RASEF: variants seen among roughly 807,000 people sequenced by gnomAD.
RASEF encodes RAS and EF-hand domain containing.
In RASEF, 68 loss-of-function variants were observed where a neutral mutation model predicts 90.1. The ratio of observed to expected loss-of-function variants is 0.75; its 90% CI spans 0.62 to 0.92. RASEF has a LOEUF of 0.92. Among genes scored for constraint, RASEF ranks in the 40% least tolerant of loss-of-function variants. RASEF has a pLI of 0.00. For missense variants in RASEF, 949 were observed against 937.2 expected (o/e 1.01, Z -0.16); for synonymous variants, 331 against 345.2 (o/e 0.96, Z 0.46).
chr9:83,128,025 C>CT, the RASEF span, among the ~76,000 whole-genome samples: 63,578 of 134,654 alleles, frequency 0.47, 14,352 homozygotes, highest in East Asian at 0.69. Context: ...TTTTTCTTTT[C>CT]TTTTTTTTTT....
the RASEF span, among the ~76,000 whole-genome samples, chr9:83,117,097 G>T: frequency 1.3e-5 from 2 of 151,330 alleles, no homozygotes; most frequent in Non-Finnish European, 3.0e-5. Context: ...ACTAATTCTT[G>T]AGAATAAACC....
rs1173283527 is a variant in RASEF at position 83,015,864 on chromosome 9, T to A, written c.706A>T (p.Arg236Ter). ...CCTACTTCAGTTTCATACTGACGTC[T>A]GAGGTCACTGAGGGCTTCCTCAGCT... The part of the protein sequence containing the change: ...RKAEEALSDL[R>*]RQYETEVGDL... The change falls in exon 4 of 17, where the codon AGA (arginine) becomes TGA (stop). Residue 236 changes from arginine to a stop codon, truncating the protein, a stop_gained. Transcript: ENST00000376447. LOFTEE classifies it high-confidence loss of function. The A allele has an allele frequency of 6.8e-6, 11 of 1,613,990 alleles. No individual in the cohort carries two copies. Among genetic ancestry groups the A allele is most frequent in the Non-Finnish European group, 8.5e-6 (10 of 1,179,910 alleles).
At chr9:83,197,831 C>A in the RASEF span, among the ~76,000 whole-genome samples, 5 of 152,176 alleles carry the variant, frequency 3.3e-5, no homozygotes, top group South Asian at 4.1e-4. Flanking sequence ...GGCCACCTAC[C>A]AACAGCATAA....
chr9:83,048,722 T>TAA (rs1156815886), intron 1 of RASEF: 11 of 985,124 alleles, frequency 1.1e-5, no homozygotes, highest in African/African-American at 1.7e-5. Flanking sequence ...ACAGAGGAGA[T>TAA]AAATACACAT....
the RASEF span, among the ~76,000 whole-genome samples, chr9:83,205,647 C>A: frequency 6.6e-6 from 1 of 152,118 alleles, no homozygotes; most frequent in African/African-American, 2.4e-5. Context: ...AGAACTTCAT[C>A]CTCTGGAGTA....
chr9:83,206,856 T>C, the RASEF span, among the ~76,000 whole-genome samples: 1 of 152,126 alleles, frequency 6.6e-6, no homozygotes, highest in African/African-American at 2.4e-5. Context: ...AGCTGCCTCT[T>C]TGGCCCAGCC....
At chr9:83,112,865 G>A in the RASEF span, among the ~76,000 whole-genome samples, 3 of 151,996 alleles carry the variant, frequency 2.0e-5, no homozygotes, top group African/African-American at 7.3e-5. Context: ...ATAGAGAAAA[G>A]ACAATGGAGA....
At chr9:83,092,003 C>CTTTTTTTTTTTTTTTTTTTATTTTTTTT in the RASEF span, among the ~76,000 whole-genome samples, 1 of 35,920 alleles carries the variant, frequency 2.8e-5, no homozygotes, top group Admixed American at 4.4e-4. Flanking sequence ...TCTTTTATTT[C>CTTTTTTTTTTTTTTTTTTTATTTTTTTT]TTTTTTTTTT....
chr9:83,016,422 T>C (rs1258407843), intron 3 of RASEF, among the ~76,000 whole-genome samples: 2 of 152,054 alleles, frequency 1.3e-5, no homozygotes, highest in African/African-American at 4.8e-5. Flanking sequence ...GAGCAGAGAA[T>C]GGCAGTAAGG....
the RASEF span, among the ~76,000 whole-genome samples, chr9:83,183,085 G>A: frequency 6.6e-6 from 1 of 152,082 alleles, no homozygotes; most frequent in African/African-American, 2.4e-5. Context: ...TATTTTAATT[G>A]TGACGGCAGT....
chr9:83,009,825 T>C, intron 5 of RASEF, 69 bp from the exon 6 acceptor site: 2 of 919,456 alleles, frequency 2.2e-6, no homozygotes, highest in Non-Finnish European at 1.8e-6. Context: ...TGAAGTAAAG[T>C]GTCCTGTCAC....
chr9:83,094,770 C>A, the RASEF span, among the ~76,000 whole-genome samples: 1 of 152,130 alleles, frequency 6.6e-6, no homozygotes. Context: ...GTTGGCACTT[C>A]CAGTTATTAA....
chr9:82,998,051 T>G (rs2118427086), intron 13 of RASEF, among the ~76,000 whole-genome samples: 1 of 151,932 alleles, frequency 6.6e-6, no homozygotes, highest in Admixed American at 6.6e-5. Context: ...AGCCAGGGAG[T>G]TCCTCAGGCT....
the RASEF span, among the ~76,000 whole-genome samples, chr9:83,183,895 T>C: frequency 6.6e-6 from 1 of 152,224 alleles, no homozygotes; most frequent in African/African-American, 2.4e-5. Flanking sequence ...TTTCCTCATA[T>C]AGCAGCATGT....
the RASEF span, among the ~76,000 whole-genome samples, chr9:83,089,484 C>A: frequency 2.6e-5 from 4 of 152,102 alleles, no homozygotes; most frequent in Admixed American, 2.6e-4. Context: ...GTAAAAAACT[C>A]TCTTGGCTAT....
chr9:83,101,395 C>A, the RASEF span, among the ~76,000 whole-genome samples: 3 of 152,140 alleles, frequency 2.0e-5, no homozygotes, highest in Non-Finnish European at 4.4e-5. Context: ...CACAAGGCAG[C>A]CAAATACTTC....
chr9:83,133,508 A>G, the RASEF span, among the ~76,000 whole-genome samples: 1 of 152,136 alleles, frequency 6.6e-6, no homozygotes, highest in African/African-American at 2.4e-5. Flanking sequence ...TAGTCACTAT[A>G]TGAATACGTC....
the RASEF span, among the ~76,000 whole-genome samples, chr9:83,210,408 G>A: frequency 2.6e-5 from 4 of 152,352 alleles, no homozygotes; most frequent in South Asian, 2.1e-4. Flanking sequence ...ATAGGGGACC[G>A]AGGCTTAGAA....
At chr9:83,069,554 C>T in the RASEF span, among the ~76,000 whole-genome samples, 2 of 152,126 alleles carry the variant, frequency 1.3e-5, no homozygotes, top group African/African-American at 2.4e-5. Flanking sequence ...AGTGTGCATC[C>T]ATTACTTTGT....
Sources: allele counts gnomAD v4.1 joint callset (sites outside exome capture counted in the v4.1 genomes callset), GRCh38; gene constraint gnomAD v4.1.1; transcripts MANE v1.5; gene names NCBI Gene and HGNC (gene_info 2026-07-23, HGNC 2026-07-21).